Variants in DGKB observed in about 807,000 individuals in gnomAD.
DGKB encodes the protein 90 kDa diacylglycerol kinase.
Under a neutral mutation model 114.3 loss-of-function variants are expected in DGKB, and 67 were observed. The observed-to-expected ratio is 0.59, with a 90% CI of 0.48 to 0.72. The LOEUF (loss-of-function observed/expected upper bound fraction) is 0.72, where lower values mean the gene tolerates loss of function less well. Ranked by LOEUF, DGKB falls within the 30% of genes least tolerant of loss-of-function variation. The pLI is 0.00. For missense variants in DGKB, 907 were observed against 975.2 expected, an observed-to-expected ratio of 0.93 and a Z score of 0.93; for synonymous variants, 398 against 323.1, an observed-to-expected ratio of 1.23 and a Z score of -2.49.
At chr7:14,876,876 A>G (rs1413514328) in intron 1 of DGKB, among the ~76,000 whole-genome samples, 1 of 152,218 alleles carries the variant, frequency 6.6e-6, no homozygotes, top group Non-Finnish European at 1.5e-5. Context: ...TAAATAACCT[A>G]TATTCCAAAT....
At chr7:14,617,284 A>C (rs1806723007) in intron 15 of DGKB, among the ~76,000 whole-genome samples, 1 of 151,710 alleles carries the variant, frequency 6.6e-6, no homozygotes, top group South Asian at 2.1e-4. Flanking sequence ...ATGCTCCCCT[A>C]TCTCAGTCAA....
chr7:14,533,527 TA>T (rs753502710), intron 20 of DGKB, among the ~76,000 whole-genome samples: 29 of 151,208 alleles, frequency 1.9e-4, no homozygotes, highest in Admixed American at 9.9e-4. Context: ...AAATAATAGC[TA>T]AAAACTTTCT....
chr7:14,901,750 T>G (rs560662983), intron 1 of DGKB, among the ~76,000 whole-genome samples: 1 of 152,126 alleles, frequency 6.6e-6, no homozygotes, highest in African/African-American at 2.4e-5. Context: ...CTTGCATTCA[T>G]GTTTATTTGG....
intron 2 of DGKB, among the ~76,000 whole-genome samples, chr7:14,835,968 A>G (rs945433039): frequency 1.3e-5 from 2 of 152,216 alleles, no homozygotes; most frequent in African/African-American, 4.8e-5. Flanking sequence ...ACAGTAAGGC[A>G]CTGAAAATCC....
intron 21 of DGKB, among the ~76,000 whole-genome samples, chr7:14,407,077 T>C (rs1020671855): frequency 6.6e-6 from 1 of 151,942 alleles, no homozygotes; most frequent in African/African-American, 2.4e-5. Flanking sequence ...AGTGAAGAAG[T>C]GTGAGAGCTA....
At chr7:14,953,006 C>A (rs1355324305) in intron 1 of DGKB, among the ~76,000 whole-genome samples, 1 of 151,858 alleles carries the variant, frequency 6.6e-6, no homozygotes, top group Admixed American at 6.6e-5. Flanking sequence ...ATTGAACATG[C>A]AAAAGTATGG....
chr7:14,369,506 A>T (rs1397957801), intron 21 of DGKB, among the ~76,000 whole-genome samples: 1 of 152,204 alleles, frequency 6.6e-6, no homozygotes, highest in Non-Finnish European at 1.5e-5. Flanking sequence ...ATTGTCTTCC[A>T]CAGTGGTTGA....
intron 12 of DGKB, among the ~76,000 whole-genome samples, chr7:14,678,044 T>A: frequency 6.6e-6 from 1 of 152,054 alleles, no homozygotes; most frequent in East Asian, 1.9e-4. Context: ...GCATATCTGA[T>A]GGAGATTTGA....
At chr7:14,758,612 A>T (rs1380079462) in intron 2 of DGKB, among the ~76,000 whole-genome samples, 1 of 152,110 alleles carries the variant, frequency 6.6e-6, no homozygotes, top group Non-Finnish European at 1.5e-5. Flanking sequence ...TCTTTTATGG[A>T]ACAGAGCATG....
intron 21 of DGKB, among the ~76,000 whole-genome samples, chr7:14,379,924 G>A (rs1399708708): frequency 1.4e-5 from 2 of 146,202 alleles, no homozygotes; most frequent in African/African-American, 2.5e-5. Context: ...GTGAGCGAGC[G>A]GGCCCGGCCT....
intron 14 of DGKB, among the ~76,000 whole-genome samples, chr7:14,622,020 T>C (rs1256490219): frequency 6.6e-6 from 1 of 151,948 alleles, no homozygotes. Flanking sequence ...CTTTTAGGAG[T>C]TGCCTGCTCC....
At chr7:14,310,997 G>GGTT (rs1455410417) in intron 23 of DGKB, among the ~76,000 whole-genome samples, 5 of 151,990 alleles carry the variant, frequency 3.3e-5, no homozygotes, top group African/African-American at 1.2e-4. Context: ...ATGTGGTGGT[G>GGTT]TGCGCCTGCA....
intron 13 of DGKB, among the ~76,000 whole-genome samples, chr7:14,654,357 A>G (rs1459417417): frequency 2.0e-5 from 3 of 152,048 alleles, no homozygotes; most frequent in Non-Finnish European, 4.4e-5. Flanking sequence ...TCTACAATTA[A>G]AACTGCAAAA....
At chr7:14,517,722 T>C (rs1277715769) in intron 20 of DGKB, among the ~76,000 whole-genome samples, 1 of 151,804 alleles carries the variant, frequency 6.6e-6, no homozygotes, top group Admixed American at 6.6e-5. Flanking sequence ...CCAAAATCAA[T>C]AATCATTAAA....
chr7:14,923,899 G>A (rs1215712898), intron 1 of DGKB, among the ~76,000 whole-genome samples: 2 of 147,444 alleles, frequency 1.4e-5, no homozygotes, highest in Admixed American at 1.4e-4. Context: ...GGAGGCTGAG[G>A]CAGGAGAATC....
At chr7:14,502,892 T>C (rs559831640) in intron 20 of DGKB, among the ~76,000 whole-genome samples, 32 of 152,146 alleles carry the variant, frequency 2.1e-4, no homozygotes, top group Admixed American at 2.0e-3. Flanking sequence ...TCCTTTCCCA[T>C]TCACCTACTC....
intron 23 of DGKB, among the ~76,000 whole-genome samples, chr7:14,303,589 A>C (rs1403889059): frequency 3.3e-5 from 5 of 151,518 alleles, no homozygotes; most frequent in African/African-American, 4.9e-5. Flanking sequence ...GACCAAACCT[A>C]GTCTTGATCT....
At chr7:14,946,824 C>T (rs1051929570) in intron 1 of DGKB, among the ~76,000 whole-genome samples, 2 of 151,880 alleles carry the variant, frequency 1.3e-5, no homozygotes, top group Admixed American at 1.3e-4. Flanking sequence ...ATTCCTCTAA[C>T]ATTTGAATCA....
At chr7:14,722,690 T>C (rs1373949964) in intron 5 of DGKB, among the ~76,000 whole-genome samples, 19 of 151,450 alleles carry the variant, frequency 1.3e-4, no homozygotes, top group Non-Finnish European at 2.6e-4. Flanking sequence ...TACATGCTTG[T>C]AGTCCCAGAT....
Sources: gnomAD v4.1 joint callset for allele counts (sites outside exome capture counted in the v4.1 genomes callset) on GRCh38, gnomAD v4.1.1 for gene constraint, MANE v1.5 for transcripts, NCBI Gene and HGNC (gene_info 2026-07-23, HGNC 2026-07-21) for gene names.